Variants in TRIM55 observed in about 807,000 individuals in gnomAD.
The protein encoded by TRIM55 is tripartite motif containing 55.
Under a neutral mutation model 60.9 loss-of-function variants are expected in TRIM55, and 50 were observed. The observed-to-expected ratio is 0.82, with a 90% CI of 0.65 to 1.04. The LOEUF is 1.04. Ranked by LOEUF, TRIM55 falls within the 50% of genes least tolerant of loss-of-function variation. The pLI, the probability that TRIM55 is intolerant of heterozygous loss-of-function variation, is 0.00. For synonymous variants in TRIM55, 237 were observed against 238.1 expected, an observed-to-expected ratio of 1.00 and a Z score of 0.04; for missense variants, 681 against 666.9, an observed-to-expected ratio of 1.02 and a Z score of -0.23.
intron 4 of TRIM55, among the ~76,000 whole-genome samples, chr8:66,146,433 T>G (rs1810100294): frequency 6.6e-6 from 1 of 152,218 alleles, no homozygotes; most frequent in African/African-American, 2.4e-5. Context: ...TACACTAGAT[T>G]ACACATGCTT....
At chr8:66,151,705 G>T (rs188817246) in intron 7 of TRIM55, among the ~76,000 whole-genome samples, 2 of 151,930 alleles carry the variant, frequency 1.3e-5, no homozygotes, top group Non-Finnish European at 2.9e-5. Flanking sequence ...TTAGCCGGGC[G>T]TGGTGGCGTA....
At chr8:66,170,057 GA>G (rs1485157550) in intron 9 of TRIM55, among the ~76,000 whole-genome samples, 1 of 151,980 alleles carries the variant, frequency 6.6e-6, no homozygotes, top group Non-Finnish European at 1.5e-5. Flanking sequence ...CCAGGTAACA[GA>G]AAAAAATGTT....
At chr8:66,133,182 G>A (rs991789421) in intron 2 of TRIM55, among the ~76,000 whole-genome samples, 1 of 152,180 alleles carries the variant, frequency 6.6e-6, no homozygotes, top group Non-Finnish European at 1.5e-5. Flanking sequence ...ATGTGGTCTG[G>A]TCTCTTCCTC....
At chr8:66,133,760 C>A (rs1200373214) in intron 2 of TRIM55, among the ~76,000 whole-genome samples, 1 of 152,208 alleles carries the variant, frequency 6.6e-6, no homozygotes, top group African/African-American at 2.4e-5. Flanking sequence ...TCAGCACGTT[C>A]TCTGCCTTTC....
At position 66,149,570 on chromosome 8, in the gene TRIM55, C is replaced by T. The variant is rs566420664; in HGVS notation, c.604-75C>T. 87 of 1,184,972 alleles carry T rather than the reference C, an allele frequency of 7.3e-5. No individual in the cohort carries two copies. In the African/African-American group the frequency reaches 1.2e-3, roughly 16 times the overall value. The allele number at this position is 1,184,972 out of a possible 1,614,324, so 73.4% of individuals were successfully genotyped here. A position where few individuals can be genotyped will look rare whatever the true frequency, so the allele number is the denominator to read the frequency against. On this transcript the variant is annotated intron_variant, in intron 4 of 9. Transcript: ENST00000315962. ...CTACATAAGTAAATGTTCTTCTTTC[C>T]CAGGATAACTAGGTGATTTCTCCAA...
rs777740263 is a variant in TRIM55 at position 66,150,389 on chromosome 8, G to C, written c.908G>C (p.Gly303Ala). Residue 303 changes from glycine to alanine, a missense_variant, in exon 7 of 10, where the codon GGC (glycine) becomes GCC (alanine). Transcript: ENST00000315962. ...TTTCAGATGGAGAAAATAGAACATG[G>C]CTATGAGAACATGAACCACTTCACA... ...KAFQMEKIEH[G>A]YENMNHFTVN... 9.3e-6 allele frequency: 15 copies of C among 1,614,008 alleles called. No homozygotes were observed. The highest frequency in any genetic ancestry group is 1.2e-5 in the Non-Finnish European group (14 of 1,180,014).
rs1810799190 is a variant in TRIM55, at chr8:66,157,310, A to C, written c.1524+2976A>C. Among the ~76,000 whole-genome samples the C allele has an allele frequency of 2.6e-5, 4 of 152,310 alleles. No individual in the cohort carries two copies. The South Asian group carries it at 8.3e-4, about 32-fold the overall frequency. ...TGGTGTTTGAGGAAGGGCCTTTCAC[A>C]TAGAGAAGGACACCTGTTCATGATG... is the stretch of plus-strand genomic sequence containing the variant. On this transcript the variant is annotated intron_variant, in intron 9 of 9. Coordinates refer to ENST00000315962, the MANE Select transcript of TRIM55 (RefSeq NM_184085.2).
At chr8:66,173,548 G>A (rs1811757590) in intron 9 of TRIM55, among the ~76,000 whole-genome samples, 1 of 152,192 alleles carries the variant, frequency 6.6e-6, no homozygotes, top group African/African-American at 2.4e-5. Flanking sequence ...GAAATCAGTG[G>A]CATTCTAATC....
At chr8:66,113,690 C>T in the TRIM55 span, 1 of 422,150 alleles carries the variant, frequency 2.4e-6, no homozygotes, top group South Asian at 1.7e-5. Context: ...ACTGCCGGGT[C>T]ACGACTTCTG....
rs776182574 is a variant in TRIM55, at chr8:66,128,430, C to T, written c.295C>T (p.Leu99=). 1.2e-6 allele frequency: 2 copies of T among 1,613,698 alleles called. No individual in the cohort carries two copies. Among genetic ancestry groups the T allele is most frequent in the South Asian group, 2.2e-5 (2 of 90,940 alleles). ...RHGVYGLQRN[L]LVENIIDIYK... is the part of the protein sequence containing the mutation. ...TGGGGTATATGGACTTCAGAGGAAC[C>T]TGCTGGTGGAAAATATCATTGACAT... The change falls in exon 2 of 10, where the codon CTG becomes TTG. Residue 99 remains leucine (L), a synonymous_variant. Coordinates refer to ENST00000315962, the MANE Select transcript of TRIM55 (RefSeq NM_184085.2).
chr8:66,156,685 C>T (rs1037164361), intron 9 of TRIM55, among the ~76,000 whole-genome samples: 1 of 152,138 alleles, frequency 6.6e-6, no homozygotes, highest in African/African-American at 2.4e-5. Context: ...ATTTCTGGCT[C>T]ACTGACTTTT....
chr8:66,168,408 C>T lies in TRIM55; in HGVS notation c.1525-6063C>T, dbSNP rs142066482. Among the ~76,000 whole-genome samples the T allele has an allele frequency of 3.4e-3, 512 of 152,298 alleles. 1 individual carries two copies. Among genetic ancestry groups the T allele is most frequent in the African/African-American group, 0.012 (501 of 41,556 alleles). On this transcript the variant is annotated intron_variant, in intron 9 of 9. Coordinates refer to ENST00000315962, the MANE Select transcript of TRIM55 (RefSeq NM_184085.2). The stretch of plus-strand genomic sequence containing the variant: ...GGTTCAGGAATGCTAAGTAGGAGAG[C>T]GGGCCAATGCTTGGGCTTGGTCTTT...
chr8:66,153,101 A>G (rs1166435454), intron 8 of TRIM55, among the ~76,000 whole-genome samples: 1 of 152,180 alleles, frequency 6.6e-6, no homozygotes, highest in Non-Finnish European at 1.5e-5. Context: ...CAGAACTTTG[A>G]ATTTTCTGTA....
At chr8:66,170,572 A>G (rs1811568857) in intron 9 of TRIM55, among the ~76,000 whole-genome samples, 1 of 152,182 alleles carries the variant, frequency 6.6e-6, no homozygotes, top group Admixed American at 6.5e-5. Flanking sequence ...GAACATGGCA[A>G]GTATCTGTGC....
intron 9 of TRIM55, among the ~76,000 whole-genome samples, chr8:66,158,274 A>G (rs1055755470): frequency 6.6e-6 from 1 of 152,136 alleles, no homozygotes; most frequent in Non-Finnish European, 1.5e-5. Flanking sequence ...CCCTCTATAT[A>G]GAACCACAGC....
At chr8:66,114,589 A>AG in the TRIM55 span, 1 of 456,364 alleles carries the variant, frequency 2.2e-6, no homozygotes, top group Non-Finnish European at 4.4e-6. Flanking sequence ...AGCTGCCCAT[A>AG]GTTCGGGGAG....
At chr8:66,164,042 T>C (rs551519703) in intron 9 of TRIM55, among the ~76,000 whole-genome samples, 1 of 152,246 alleles carries the variant, frequency 6.6e-6, no homozygotes, top group East Asian at 1.9e-4. Context: ...TGTCTACCTC[T>C]CCTCTTTTTG....
At chr8:66,123,384 C>T (rs540893459), upstream of TRIM55, among the ~76,000 whole-genome samples, 1 of 152,308 alleles carries the variant, frequency 6.6e-6, no homozygotes, top group East Asian at 1.9e-4. Context: ...AGGTCATGGT[C>T]CCCATATTTG....
intron 9 of TRIM55, among the ~76,000 whole-genome samples, chr8:66,166,217 C>T (rs1268571268): frequency 6.6e-6 from 1 of 152,128 alleles, no homozygotes; most frequent in East Asian, 1.9e-4. Flanking sequence ...TGGATGTATC[C>T]ATTTTAAAGA....
Sources: allele counts gnomAD v4.1 joint callset (sites outside exome capture counted in the v4.1 genomes callset), GRCh38; gene constraint gnomAD v4.1.1; transcripts MANE v1.5; gene names NCBI Gene and HGNC (gene_info 2026-07-23, HGNC 2026-07-21).